Variants in SLC1A3 observed in about 807,000 individuals in gnomAD.
SLC1A3 encodes excitatory amino acid transporter 1.
A neutral mutation model predicts 48.1 loss-of-function variants in SLC1A3; 21 were observed. The ratio of observed to expected loss-of-function variants is 0.44; its 90% confidence interval spans 0.31 to 0.63. SLC1A3 has a LOEUF of 0.63. Among genes scored for constraint, SLC1A3 ranks in the 20% least tolerant of loss-of-function variants. The pLI is 0.08. For missense variants in SLC1A3, 546 were observed against 689.0 expected (o/e 0.79, Z 2.32); for synonymous variants, 239 against 251.4 (o/e 0.95, Z 0.47).
chr5:36,611,016 T>C (rs895833979), intron 2 of SLC1A3, among the ~76,000 whole-genome samples: 4 of 152,204 alleles, frequency 2.6e-5, no homozygotes, highest in East Asian at 1.9e-4. Flanking sequence ...CCTTCAGTTA[T>C]CTGTTAGTGT....
chr5:36,683,702 T>C (rs1742529097), intron 8 of SLC1A3, among the ~76,000 whole-genome samples, 162 bp from the exon 9 acceptor site: 1 of 48,494 alleles, frequency 2.1e-5, no homozygotes, highest in Admixed American at 2.9e-4. Context: ...AGTGAGATAC[T>C]GTTTCAAAAA....
At chr5:36,601,132 T>A (rs985083091) in intron 1 of SLC1A3, among the ~76,000 whole-genome samples, 7 of 152,244 alleles carry the variant, frequency 4.6e-5, no homozygotes, top group Admixed American at 2.0e-4. Flanking sequence ...TAAATTATAA[T>A]TACTTTTTTC....
chr5:36,671,433 G>C (rs1741992341), intron 4 of SLC1A3, among the ~76,000 whole-genome samples, 200 bp downstream of exon 4: 1 of 152,186 alleles, frequency 6.6e-6, no homozygotes, highest in South Asian at 2.1e-4. Flanking sequence ...GAGGCGAAAA[G>C]AGCAAGGAGA....
chr5:36,618,706 A>G (rs1368281450), intron 2 of SLC1A3, among the ~76,000 whole-genome samples: 1 of 152,244 alleles, frequency 6.6e-6, no homozygotes, highest in East Asian at 1.9e-4. Context: ...GCACCAGCAT[A>G]TAACACACAA....
upstream of SLC1A3, among the ~76,000 whole-genome samples, chr5:36,605,080 G>A (rs564441966): frequency 2.0e-5 from 3 of 152,242 alleles, no homozygotes; most frequent in South Asian, 2.1e-4. Flanking sequence ...ATTGAAAAGC[G>A]TTTTGTTTCA....
intron 3 of SLC1A3, among the ~76,000 whole-genome samples, chr5:36,662,421 C>A (rs1741551485): frequency 1.3e-5 from 2 of 152,320 alleles, no homozygotes; most frequent in African/African-American, 4.8e-5. Flanking sequence ...TCGGCTGTTA[C>A]AATGAGGTAG....
intron 2 of SLC1A3, among the ~76,000 whole-genome samples, chr5:36,628,807 T>C (rs1363767099): frequency 6.6e-6 from 1 of 152,114 alleles, no homozygotes; most frequent in African/African-American, 2.4e-5. Flanking sequence ...TCAGGGAAAA[T>C]TTTGGGGAGA....
At chr5:36,612,782 T>G (rs1280941919) in intron 2 of SLC1A3, 3 of 456,170 alleles carry the variant, frequency 6.6e-6, no homozygotes, top group Non-Finnish European at 8.8e-6. Context: ...ACCACACAGC[T>G]GATGAATACT....
chr5:36,623,295 C>T (rs1739759764), intron 2 of SLC1A3, among the ~76,000 whole-genome samples: 1 of 152,162 alleles, frequency 6.6e-6, no homozygotes, highest in South Asian at 2.1e-4. Context: ...GAATATTGCT[C>T]ATGACATCCA....
At chr5:36,636,356 G>C (rs900983425) in intron 3 of SLC1A3, 1 of 152,134 alleles carries the variant, frequency 6.6e-6, no homozygotes, top group East Asian at 1.9e-4. Context: ...GGGAAGGAAC[G>C]ATGCACCCGT....
chr5:36,640,776 C>T lies in SLC1A3; in HGVS notation c.319+11189C>T, dbSNP rs111487805. ...GTTAAGGGAAAAAAGAGGGGAACCC[C>T]TATATATAAAACCACAATCTTGTTT... On this transcript the variant is annotated intron_variant, in intron 3 of 9. Transcript: ENST00000265113. Among the ~76,000 whole-genome samples the T allele has an allele frequency of 3.5e-4, 53 of 152,266 alleles. 1 individual carries two copies. Among genetic ancestry groups the T allele is most frequent in the African/African-American group, 1.2e-3 (48 of 41,544 alleles).
At chr5:36,629,736 A>G (rs949634813) in intron 3 of SLC1A3, 149 bp downstream of exon 3, 3 of 758,062 alleles carry the variant, frequency 4.0e-6, no homozygotes, top group Non-Finnish European at 7.0e-6. Flanking sequence ...GATGGAAAGG[A>G]GGCTTTAGTA....
Position 36,679,805 on chromosome 5 carries a change from G to A in SLC1A3, c.1039G>A (p.Val347Ile). ...CTTGGTAACACGGAAAAACCCTTGG[G>A]TTTTTATTGGAGGGTTGCTGCAAGC... ...YFLVTRKNPW[V>I]FIGGLLQALI... The change falls in exon 7 of 10, where the codon GTT becomes ATT. Residue 347 changes from valine (V) to isoleucine (I), a missense_variant. Physicochemically the swap from Val to Ile is conservative, Grantham distance 29 (BLOSUM62 3). This residue lies in a region of SLC1A3 where 142 missense variants were observed against 238.0 expected (regional missense o/e 0.60). Transcript: ENST00000265113. 2 of 1,614,152 alleles carry A rather than the reference G, an allele frequency of 1.2e-6. No individual in the cohort carries two copies. The highest frequency in any genetic ancestry group is 1.7e-6 in the Non-Finnish European group (2 of 1,180,024).
chr5:36,601,723 C>T (rs577851004), upstream of SLC1A3, among the ~76,000 whole-genome samples: 1 of 152,154 alleles, frequency 6.6e-6, no homozygotes, highest in South Asian at 2.1e-4. Context: ...CCACCCACCC[C>T]CCATTCAATT....
chr5:36,604,925 A>C (rs1738873023), upstream of SLC1A3, among the ~76,000 whole-genome samples: 1 of 149,334 alleles, frequency 6.7e-6, no homozygotes, highest in Non-Finnish European at 1.5e-5. Context: ...GGGGTGTGCA[A>C]ATTAATCCTA....
chr5:36,612,892 G>T (rs554298721), intron 2 of SLC1A3: 2 of 454,110 alleles, frequency 4.4e-6, no homozygotes, highest in Non-Finnish European at 8.8e-6. Context: ...GCAATTTGCT[G>T]AGGGTCTGCC....
At chr5:36,659,016 T>G (rs1192088395) in intron 3 of SLC1A3, among the ~76,000 whole-genome samples, 1 of 152,168 alleles carries the variant, frequency 6.6e-6, no homozygotes, top group Non-Finnish European at 1.5e-5. Flanking sequence ...ATATATGGCT[T>G]CCTTTCAAAC....
At chr5:36,671,307 C>A in intron 4 of SLC1A3, 74 bp downstream of exon 4, 1 of 1,064,550 alleles carries the variant, frequency 9.4e-7, no homozygotes, top group Non-Finnish European at 1.4e-6. Flanking sequence ...CTATTCAAAC[C>A]CTGGAAGGGG....
intron 6 of SLC1A3, among the ~76,000 whole-genome samples, chr5:36,677,838 G>C (rs1260056460): frequency 6.6e-6 from 1 of 152,216 alleles, no homozygotes; most frequent in Non-Finnish European, 1.5e-5. Context: ...AGGCCATCAG[G>C]AAAACTGAGG....
Sources: gnomAD v4.1 joint callset for allele counts (sites outside exome capture counted in the v4.1 genomes callset) on GRCh38, gnomAD v4.1.1 for gene constraint, gnomAD v4.1.1 regional missense constraint, MANE v1.5 for transcripts, NCBI Gene and HGNC (gene_info 2026-07-23, HGNC 2026-07-21) for gene names.